The following FGF5 variants were observed in gnomAD, a reference collection of about 807,000 sequenced individuals.
FGF5 encodes heparin-binding growth factor 5.
In FGF5, 23 loss-of-function variants were observed where a neutral mutation model predicts 21.8. The ratio of observed to expected loss-of-function variants is 1.05; its 90% CI spans 0.76 to 1.49. The LOEUF (loss-of-function observed/expected upper bound fraction) is 1.49, where lower values mean the gene tolerates loss of function less well. Ranked by LOEUF, FGF5 falls within the 40% of genes most tolerant of loss-of-function variation. The probability of loss-of-function intolerance (pLI) is 0.00; values close to 1 mark genes in which losing one functional copy is unlikely to be tolerated. For missense variants in FGF5, 352 were observed against 332.9 expected, an observed-to-expected ratio of 1.06 and a Z score of -0.45; for synonymous variants, 158 against 124.0, an observed-to-expected ratio of 1.27 and a Z score of -1.82.
chr4:80,274,708 A>G (rs1278270070), intron 1 of FGF5, among the ~76,000 whole-genome samples: 2 of 152,168 alleles, frequency 1.3e-5, no homozygotes, highest in East Asian at 3.8e-4. Context: ...TGAATCTTGA[A>G]ATTATTTTAA....
Position 80,287,189 on chromosome 4 carries a change from T to C in FGF5, c.*517T>C, listed in dbSNP as rs1254601889. 6.6e-6 allele frequency: 1 copy of C among 152,470 alleles called. No homozygotes were observed. The highest frequency in any genetic ancestry group is 2.4e-5 in the African/African-American group (1 of 41,474). 9.4% of individuals were successfully genotyped at this position (152,470 alleles called of 1,614,324 possible). On this transcript the variant is annotated 3_prime_UTR_variant, in exon 3 of 3. Coordinates refer to ENST00000312465, the MANE Select transcript of FGF5 (RefSeq NM_004464.4). ...GCAATCATTTTATGCTGTTTATGAA[T>C]TATAAATGTGTTTATAGCTCATTTG...
intron 1 of FGF5, among the ~76,000 whole-genome samples, chr4:80,271,229 T>A (rs1720262910): frequency 6.6e-6 from 1 of 152,200 alleles, no homozygotes; most frequent in African/African-American, 2.4e-5. Context: ...CCCTATTATA[T>A]TAAGAAATCT....
Position 80,267,110 on chromosome 4 carries a change from G to A in FGF5, c.286G>A (p.Gly96Ser). 6.2e-7 allele frequency: 1 copy of A among 1,613,906 alleles called. No homozygotes were observed. Among genetic ancestry groups the A allele is most frequent in the Non-Finnish European group, 8.5e-7 (1 of 1,179,940 alleles). The part of the protein sequence containing the change: ...RRTGSLYCRV[G>S]IGFHLQIYPD... ...GACCGGCAGCCTCTACTGCAGAGTG[G>A]GCATCGGTTTCCATCTGCAGATCTA... The change falls in exon 1 of 3, where the codon GGC becomes AGC. Residue 96 changes from glycine to serine, a missense_variant. By Grantham distance (56) the Gly-to-Ser change is moderately conservative. Transcript: ENST00000312465.
At chr4:80,267,406 T>C (rs1720127382) in intron 1 of FGF5, among the ~76,000 whole-genome samples, 1 of 152,212 alleles carries the variant, frequency 6.6e-6, no homozygotes, top group Admixed American at 6.5e-5. Flanking sequence ...CAGGTGTATG[T>C]TACCTAGAGG....
intron 1 of FGF5, chr4:80,268,619 G>A (rs1340480935): frequency 3.3e-6 from 2 of 597,068 alleles, no homozygotes; most frequent in Non-Finnish European, 4.2e-6. Context: ...GGGGCCTAAT[G>A]CGGAAGACCT....
At chr4:80,267,331 G>A (rs1427963021) in intron 1 of FGF5, 152 bp downstream of exon 1, 5 of 647,784 alleles carry the variant, frequency 7.7e-6, no homozygotes, top group East Asian at 2.8e-5. Context: ...CGGGTTGGGT[G>A]GAGATGCATC....
At chr4:80,281,380 T>G (rs1319230531) in intron 2 of FGF5, among the ~76,000 whole-genome samples, 1 of 152,212 alleles carries the variant, frequency 6.6e-6, no homozygotes, top group Non-Finnish European at 1.5e-5. Context: ...TAGTTGTTTT[T>G]ATTACAGTCT....
chr4:80,286,852 A>G lies in FGF5; in HGVS notation c.*180A>G, dbSNP rs565932196. ...GTTTTTTGATAGGAAGGAAACTGGAATTCTTTGTACTAATACAGGGAGCAC... is the reference window on the plus strand; with the variant it reads ...GTTTTTTGATAGGAAGGAAACTGGAGTTCTTTGTACTAATACAGGGAGCAC... On this transcript the variant is annotated 3_prime_UTR_variant, in exon 3 of 3. Coordinates refer to ENST00000312465, the MANE Select transcript of FGF5 (RefSeq NM_004464.4). The G allele has an allele frequency of 1.2e-5, 7 of 588,336 alleles. No homozygotes were observed. Among genetic ancestry groups the G allele is most frequent in the Admixed American group, 3.0e-5 (1 of 33,400 alleles). 36.4% of individuals were successfully genotyped at this position (588,336 alleles called of 1,614,324 possible). A position where few individuals can be genotyped will look rare whatever the true frequency, so the allele number is the denominator to read the frequency against.
chr4:80,273,706 C>A (rs1194810100), intron 1 of FGF5, among the ~76,000 whole-genome samples: 2 of 151,934 alleles, frequency 1.3e-5, no homozygotes, highest in Non-Finnish European at 2.9e-5. Flanking sequence ...TTTCTTCCTT[C>A]CTTCTTTTCC....
At chr4:80,271,791 C>T (rs909342603) in intron 1 of FGF5, among the ~76,000 whole-genome samples, 21 of 151,788 alleles carry the variant, frequency 1.4e-4, no homozygotes, top group Admixed American at 3.3e-4. Flanking sequence ...GCGTGACTCC[C>T]GATGATAAAG....
At chr4:80,282,080 A>C (rs1720568300) in intron 2 of FGF5, among the ~76,000 whole-genome samples, 1 of 152,188 alleles carries the variant, frequency 6.6e-6, no homozygotes, top group East Asian at 1.9e-4. Context: ...CTCCTGCCTC[A>C]GTCTCCTGAG....
chr4:80,267,733 G>GATAGATAGATAGATAGA (rs1553910468), intron 1 of FGF5, among the ~76,000 whole-genome samples: 40 of 151,066 alleles, frequency 2.6e-4, no homozygotes, highest in African/African-American at 9.7e-4. Flanking sequence ...ATACACATAG[G>GATAGATAGATAGATAGA]TAGATAGATA....
intron 1 of FGF5, among the ~76,000 whole-genome samples, chr4:80,274,484 A>G (rs17004862): frequency 0.021 from 3,265 of 152,180 alleles, 126 homozygotes; most frequent in African/African-American, 0.076. Flanking sequence ...CCAGACTTTC[A>G]AATAGTTATA....
At chr4:80,276,476 T>C (rs1280186334) in intron 2 of FGF5, among the ~76,000 whole-genome samples, 2 of 152,116 alleles carry the variant, frequency 1.3e-5, no homozygotes, top group East Asian at 3.9e-4. Context: ...GTGAAAAAAG[T>C]AGGGTATTAC....
At chr4:80,266,601 A>T (rs1560496086), upstream of FGF5, 1 of 496,946 alleles carries the variant, frequency 2.0e-6, no homozygotes. Flanking sequence ...GAAGCTTCGC[A>T]GGCGTGCACG....
intron 2 of FGF5, among the ~76,000 whole-genome samples, chr4:80,278,934 T>C (rs1324325612): frequency 6.6e-6 from 1 of 152,224 alleles, no homozygotes; most frequent in Non-Finnish European, 1.5e-5. Context: ...CCATGAGGGC[T>C]ACTCCAAGCC....
At position 80,286,480 on chromosome 4, in the gene FGF5, G is replaced by A; in HGVS notation, c.615G>A (p.Arg205=). ...RGKAKRGCSP[R]VKPQHISTHF... Reference sequence around the variant, plus strand: ...AAGCCAAACGAGGGTGCAGCCCCCGGGTTAAACCCCAGCATATCTCTACCC... The same window carrying A: ...AAGCCAAACGAGGGTGCAGCCCCCGAGTTAAACCCCAGCATATCTCTACCC... Residue 205 remains arginine, a synonymous_variant, in exon 3 of 3, where the codon CGG becomes CGA. Coordinates refer to ENST00000312465, the MANE Select transcript of FGF5 (RefSeq NM_004464.4). 6.2e-7 allele frequency: 1 copy of A among 1,613,954 alleles called. No homozygotes were observed. The highest frequency in any genetic ancestry group is 2.2e-5 in the East Asian group (1 of 44,870).
At position 80,266,915 on chromosome 4, in the gene FGF5, C is replaced by T; in HGVS notation, c.91C>T (p.Gln31Ter). 6.2e-7 allele frequency: 1 copy of T among 1,614,100 alleles called. No individual in the cohort carries two copies. Among genetic ancestry groups the T allele is most frequent in the African/African-American group, 1.3e-5 (1 of 75,072 alleles). ...HGEKRLAPKG[Q>*]PGPAATDRNP... ...GGAGAAGCGTCTCGCCCCCAAAGGGCAACCCGGACCCGCTGCCACTGATAG... is the reference window on the plus strand; with the variant it reads ...GGAGAAGCGTCTCGCCCCCAAAGGGTAACCCGGACCCGCTGCCACTGATAG... The change falls in exon 1 of 3, where the codon CAA becomes TAA. Residue 31 changes from glutamine to a stop codon, truncating the protein, a stop_gained. Transcript: ENST00000312465. LOFTEE classifies it high-confidence loss of function.
At position 80,269,709 on chromosome 4, in the gene FGF5, A is replaced by C. The variant is rs1008751704; in HGVS notation, c.355+2530A>C. On this transcript the variant is annotated intron_variant, in intron 1 of 2. Coordinates refer to ENST00000312465, the MANE Select transcript of FGF5 (RefSeq NM_004464.4). ...ATGACTTGCTTTCATTCATGCCATA[A>C]ATCATGTACCCAATATAAGATACCT... 2.0e-5 allele frequency among the ~76,000 whole-genome samples: 3 copies of C among 152,064 alleles called. No homozygotes were observed. The East Asian group carries it at 5.8e-4, about 29-fold the overall frequency.
Sources: allele counts gnomAD v4.1 joint callset (sites outside exome capture counted in the v4.1 genomes callset), GRCh38; gene constraint gnomAD v4.1.1; transcripts MANE v1.5; gene names NCBI Gene and HGNC (gene_info 2026-07-23, HGNC 2026-07-21).